Variants in KIAA0232 observed in about 807,000 individuals in gnomAD.
KIAA0232 encodes the protein KIAA0232.
KIAA0232 carries 27 observed loss-of-function variants against 122.0 expected under a neutral mutation model. The observed-to-expected ratio is 0.22, with a 90% CI of 0.16 to 0.31. The LOEUF (loss-of-function observed/expected upper bound fraction) is 0.31, where lower values mean the gene tolerates loss of function less well. KIAA0232 is among the 10% of genes least tolerant of loss of function. KIAA0232 has a pLI of 1.00. For missense variants in KIAA0232, 1,551 were observed against 1,634.2 expected (o/e 0.95, Z 0.88); for synonymous variants, 613 against 587.6 (o/e 1.04, Z -0.63).
intron 7 of KIAA0232, among the ~76,000 whole-genome samples, chr4:6,871,211 T>C (rs1721463624): frequency 6.6e-6 from 1 of 152,226 alleles, no homozygotes; most frequent in African/African-American, 2.4e-5. Context: ...GCTTGGCAGA[T>C]TGCTTGAGCC....
chr4:6,880,429 G>A (rs1480911482), intron 9 of KIAA0232, among the ~76,000 whole-genome samples: 1 of 151,706 alleles, frequency 6.6e-6, no homozygotes, highest in East Asian at 2.0e-4. Context: ...TGGTTTGCTC[G>A]TTCATCTCCC....
rs992267354 is a variant in KIAA0232 at position 6,858,319 on chromosome 4, C to T, written c.437-106C>T. The T allele has an allele frequency of 1.1e-5, 7 of 651,404 alleles. No homozygotes were observed. The African/African-American group carries it at 1.3e-4, about 12-fold the overall frequency. The allele number at this position is 651,404 out of a possible 1,614,324, so 40.4% of individuals were successfully genotyped here. A position where few individuals can be genotyped will look rare whatever the true frequency, so the allele number is the denominator to read the frequency against. ...CGGTATTGAGTTTGCCTTTTAAGCA[C>T]CAAAGTCTCTATTTCTTGTTAAAAT... On this transcript the variant is annotated intron_variant, in intron 5 of 9. Transcript: ENST00000307659.
At chr4:6,836,752 T>C (rs1329310426) in intron 3 of KIAA0232, among the ~76,000 whole-genome samples, 1 of 152,054 alleles carries the variant, frequency 6.6e-6, no homozygotes, top group Non-Finnish European at 1.5e-5. Context: ...TGATGACTCT[T>C]AAGGAGCATG....
At chr4:6,801,415 A>G (rs753523704) in intron 1 of KIAA0232, among the ~76,000 whole-genome samples, 3 of 152,214 alleles carry the variant, frequency 2.0e-5, no homozygotes, top group African/African-American at 2.4e-5. Context: ...TAGGCCAGGC[A>G]TGGTGGCTCA....
At chr4:6,823,760 A>G (rs540931018) in intron 2 of KIAA0232, among the ~76,000 whole-genome samples, 2 of 152,202 alleles carry the variant, frequency 1.3e-5, no homozygotes, top group East Asian at 3.9e-4. Flanking sequence ...GAGCAGAAGC[A>G]GAGCATCAAC....
At position 6,864,120 on chromosome 4, in the gene KIAA0232, C is replaced by G; in HGVS notation, c.3738C>G (p.Cys1246Trp). The G allele has an allele frequency of 1.2e-6, 2 of 1,614,042 alleles. No homozygotes were observed. The highest frequency in any genetic ancestry group is 8.5e-7 in the Non-Finnish European group (1 of 1,179,998). Residue 1246 changes from cysteine to tryptophan, a missense_variant, in exon 7 of 10, where the codon TGC becomes TGG. Cys to Trp is a radical substitution (Grantham distance 215). Around this residue, in one of 5 missense-constraint regions of KIAA0232, gnomAD observed 1,108 missense variants for 1,154.8 expected, o/e 0.96. Transcript: ENST00000307659. Reference protein sequence around the residue: ...CEEEINNFCGCKAGCQFPAYE... With the variant: ...CEEEINNFCGWKAGCQFPAYE... ...AAGAAATTAATAATTTTTGTGGTTG[C>G]AAAGCAGGTTGTCAGTTTCCTGCTT...
chr4:6,813,351 G>GTT (rs539648260), intron 2 of KIAA0232, among the ~76,000 whole-genome samples: 47 of 140,694 alleles, frequency 3.3e-4, no homozygotes, highest in Admixed American at 2.9e-4. Flanking sequence ...ACTTAGATCT[G>GTT]TTTTTTTTTT....
Position 6,882,656 on chromosome 4 carries a change from G to C in KIAA0232, c.*1690G>C, listed in dbSNP as rs1034822461. Reference sequence around the variant, plus strand: ...TGTGTGTGTGTGTGTGTGCGCGCGTGCGCGCGCGCATGTGTAAGGTTTTAT... The same window carrying C: ...TGTGTGTGTGTGTGTGTGCGCGCGTCCGCGCGCGCATGTGTAAGGTTTTAT... On this transcript the variant is annotated 3_prime_UTR_variant, in exon 10 of 10. Coordinates refer to ENST00000307659, the MANE Select transcript of KIAA0232 (RefSeq NM_014743.3). 6.6e-6 allele frequency: 1 copy of C among 152,406 alleles called. No homozygotes were observed. Among genetic ancestry groups the C allele is most frequent in the African/African-American group, 2.4e-5 (1 of 41,378 alleles). 9.4% of individuals were successfully genotyped at this position (152,406 alleles called of 1,614,324 possible). A position where few individuals can be genotyped will look rare whatever the true frequency, so the allele number is the denominator to read the frequency against.
chr4:6,844,651 G>T (rs1241198154), intron 4 of KIAA0232, among the ~76,000 whole-genome samples: 1 of 152,062 alleles, frequency 6.6e-6, no homozygotes, highest in Non-Finnish European at 1.5e-5. Context: ...GGCCAGGCTG[G>T]TCTCAAACTC....
chr4:6,867,971 C>T (rs2108818465), intron 7 of KIAA0232, among the ~76,000 whole-genome samples: 1 of 152,312 alleles, frequency 6.6e-6, no homozygotes, highest in Non-Finnish European at 1.5e-5. Flanking sequence ...AGTATCTCTT[C>T]ATTGATGTTT....
chr4:6,871,433 C>G (rs1560209938), intron 7 of KIAA0232, 141 bp from the exon 8 acceptor site: 1 of 576,160 alleles, frequency 1.7e-6, no homozygotes, highest in South Asian at 2.3e-5. Flanking sequence ...GACCCTATCT[C>G]AAAAAGAAAG....
At chr4:6,811,790 G>A (rs1231366013) in intron 2 of KIAA0232, among the ~76,000 whole-genome samples, 1 of 115,588 alleles carries the variant, frequency 8.7e-6, no homozygotes, top group Admixed American at 1.0e-4. Context: ...AAACCTTTGT[G>A]TTAGGCTACT....
At position 6,863,366 on chromosome 4, in the gene KIAA0232, C is replaced by T. The variant is rs1012086806; in HGVS notation, c.2984C>T (p.Ser995Leu). ...AGGCAGTTATGGAAACCCTTCGTGTCATTTGAACAGAATGATCAGCCGAAG... is the reference window on the plus strand; with the variant it reads ...AGGCAGTTATGGAAACCCTTCGTGTTATTTGAACAGAATGATCAGCCGAAG... ...GHRQLWKPFV[S>L]FEQNDQPKSG... Residue 995 changes from serine (S) to leucine (L), a missense_variant, in exon 7 of 10, where the codon TCA becomes TTA. By Grantham distance (145) the Ser-to-Leu change is moderately radical. Transcript: ENST00000307659. 3.7e-6 allele frequency: 6 copies of T among 1,613,996 alleles called. No homozygotes were observed. In the African/African-American group the frequency reaches 8.0e-5, roughly 22 times the overall value.
Position 6,861,839 on chromosome 4 carries a change from C to T in KIAA0232, c.1457C>T (p.Thr486Ile). ...AATGAGGATATTGACCTCACTGGGA[C>T]CTCATTATGTTCTCTACCAGAGGAC... ...VINEDIDLTGTSLCSLPEDNK... is the reference protein window; with the variant it reads ...VINEDIDLTGISLCSLPEDNK... The change falls in exon 7 of 10, where the codon ACC (threonine) becomes ATC (isoleucine). Residue 486 changes from threonine (T) to isoleucine (I), a missense_variant. By Grantham distance (89) the Thr-to-Ile change is moderately conservative. Transcript: ENST00000307659. 1 of 1,614,010 alleles carries T rather than the reference C, an allele frequency of 6.2e-7. No individual in the cohort carries two copies.
At chr4:6,838,189 C>G (rs1459936384) in intron 3 of KIAA0232, among the ~76,000 whole-genome samples, 1 of 126,064 alleles carries the variant, frequency 7.9e-6, no homozygotes, top group Admixed American at 7.7e-5. Flanking sequence ...ACAAAGATAG[C>G]TTTTTTTTTT....
At chr4:6,859,848 A>C (rs1218032003) in intron 6 of KIAA0232, among the ~76,000 whole-genome samples, 1 of 152,174 alleles carries the variant, frequency 6.6e-6, no homozygotes, top group African/African-American at 2.4e-5. Flanking sequence ...AGTGGCCCCC[A>C]GTTTCCTAGC....
At chr4:6,833,534 G>A (rs113543325) in intron 3 of KIAA0232, among the ~76,000 whole-genome samples, 2 of 152,108 alleles carry the variant, frequency 1.3e-5, no homozygotes, top group Admixed American at 1.3e-4. Flanking sequence ...GGAGGCTGAG[G>A]TTGGAGGATC....
chr4:6,791,770 AAAC>A (rs1716904721), intron 1 of KIAA0232, among the ~76,000 whole-genome samples: 1 of 152,196 alleles, frequency 6.6e-6, no homozygotes, highest in African/African-American at 2.4e-5. Flanking sequence ...TTATTTAAAC[AAAC>A]ACTAAACTTT....
In KIAA0232 at chr4:6,881,883, A is replaced by G. The variant is rs1485599939; in HGVS notation, c.*917A>G. On this transcript the variant is annotated 3_prime_UTR_variant, in exon 10 of 10. Transcript: ENST00000307659. ...TGCAGTAAAGGCCACCTCATCACCC[A>G]GAGAAATCTTTGGCTGCTGCAGCTA... is the stretch of plus-strand genomic sequence containing the variant. The G allele has an allele frequency of 2.0e-5, 3 of 152,716 alleles. No individual in the cohort carries two copies. Among genetic ancestry groups the G allele is most frequent in the African/African-American group, 7.2e-5 (3 of 41,478 alleles). 9.5% of individuals were successfully genotyped at this position (152,716 alleles called of 1,614,324 possible).
Sources: gnomAD v4.1 joint callset for allele counts (sites outside exome capture counted in the v4.1 genomes callset) on GRCh38, gnomAD v4.1.1 for gene constraint, gnomAD v4.1.1 regional missense constraint, MANE v1.5 for transcripts, NCBI Gene and HGNC (gene_info 2026-07-23, HGNC 2026-07-21) for gene names.